Variants in CRB2 observed in about 807,000 individuals in gnomAD.
The protein encoded by CRB2 is crumbs cell polarity complex component 2, also known as protein crumbs homolog 2.
Under a neutral mutation model 110.9 loss-of-function variants are expected in CRB2, and 85 were observed. The ratio of observed to expected loss-of-function variants is 0.77; its 90% confidence interval spans 0.64 to 0.92. The LOEUF is 0.92. Ranked by LOEUF, CRB2 falls within the 40% of genes least tolerant of loss-of-function variation. The pLI is 0.00. For synonymous variants in CRB2, 907 were observed against 831.0 expected (o/e 1.09, Z -1.57); for missense variants, 1,843 against 1,851.3 (o/e 1.00, Z 0.08).
Position 123,373,723 on chromosome 9 carries a change from C to G in CRB2, c.3192C>G (p.Pro1064=), listed in dbSNP as rs1453567864. 1.3e-6 allele frequency: 2 copies of G among 1,564,506 alleles called. No homozygotes were observed. Among genetic ancestry groups the G allele is most frequent in the African/African-American group, 2.8e-5 (2 of 71,016 alleles). Residue 1064 remains proline (P), a synonymous_variant, in exon 10 of 13, where the codon CCC becomes CCG. Transcript: ENST00000373631. ...GCGCGCCCGTGTGTGCGCCCTCGCC[C>G]TGTCTGCACGACGGTGCCTGCCGTG... ...CRGAPVCAPS[P]CLHDGACRDL... is the part of the protein sequence containing the mutation.
chr9:123,373,076 G>A, intron 9 of CRB2, 58 bp from the exon 10 acceptor site: 2 of 1,358,174 alleles, frequency 1.5e-6, no homozygotes, highest in South Asian at 1.5e-5. Context: ...GAAGTGGGGA[G>A]GTGGCATTTC....
chr9:123,367,522 C>T (rs2041954673), intron 5 of CRB2, 51 bp from the exon 6 acceptor site: 1 of 1,477,698 alleles, frequency 6.8e-7, no homozygotes, highest in Non-Finnish European at 9.2e-7. Context: ...CCTCTCAGCC[C>T]CTGCCTGGCT....
chr9:123,365,768 C>CCT, intron 2 of CRB2, 149 bp from the exon 3 acceptor site: 1 of 691,614 alleles, frequency 1.4e-6, no homozygotes, highest in Non-Finnish European at 2.2e-6. Context: ...TGGCATGACC[C>CCT]GTCCCCCACC....
rs1276377271 is a variant in CRB2, at chr9:123,373,320, C to CG, written c.2795dup (p.Val933ArgfsTer60). 6.9e-6 allele frequency: 10 copies of CG among 1,450,270 alleles called. No individual in the cohort carries two copies. Among genetic ancestry groups the CG allele is most frequent in the South Asian group, 1.4e-5 (1 of 73,352 alleles). 89.8% of individuals were successfully genotyped at this position (1,450,270 alleles called of 1,614,324 possible). A position where few individuals can be genotyped will look rare whatever the true frequency, so the allele number is the denominator to read the frequency against. On this transcript the variant is annotated frameshift_variant, in exon 10 of 13. Transcript: ENST00000373631. LOFTEE classifies it high-confidence loss of function. ...CTGGCGGTGCGCAATGGCTCGCTGG[C>CG]GGGGGGCGTGCGCGGAGGCCATGGC...
In CRB2 at chr9:123,371,227, C is replaced by A; in HGVS notation, c.2085C>A (p.Gly695=). The A allele has an allele frequency of 6.2e-7, 1 of 1,613,960 alleles. No homozygotes were observed. Among genetic ancestry groups the A allele is most frequent in the Non-Finnish European group, 8.5e-7 (1 of 1,180,044 alleles). Reference sequence around the variant, plus strand: ...AGTTTGCCAATGACTCCGCAGCTGGCCTAACAGTATTCCTGAGTGAGGGTC... The same window carrying A: ...AGTTTGCCAATGACTCCGCAGCTGGACTAACAGTATTCCTGAGTGAGGGTC... The part of the protein sequence containing the change: ...LLQFANDSAA[G]LTVFLSEGRI... Residue 695 remains glycine, a synonymous_variant, in exon 8 of 13, where the codon GGC becomes GGA. Transcript: ENST00000373631.
intron 2 of CRB2, among the ~76,000 whole-genome samples, chr9:123,363,761 T>C (rs934889240): frequency 3.9e-5 from 6 of 152,122 alleles, no homozygotes; most frequent in Non-Finnish European, 8.8e-5. Context: ...GGATAATATA[T>C]ACGTAAGTGC....
intron 1 of CRB2, among the ~76,000 whole-genome samples, chr9:123,358,439 C>T (rs1003416930): frequency 6.6e-6 from 1 of 152,204 alleles, no homozygotes; most frequent in Non-Finnish European, 1.5e-5. Context: ...CTCCTCCAGC[C>T]AGAAGGGGGT....
At position 123,372,209 on chromosome 9, in the gene CRB2, C is replaced by T. The variant is rs144459644; in HGVS notation, c.2469C>T (p.Leu823=). 138 of 1,614,092 alleles carry T rather than the reference C, an allele frequency of 8.5e-5. No individual in the cohort carries two copies. The highest frequency in any genetic ancestry group is 4.7e-4 in the South Asian group (43 of 91,076). Residue 823 remains leucine, a synonymous_variant, in exon 9 of 13, where the codon CTC becomes CTT. Transcript: ENST00000373631. ...CCTGTTTCAATGGTGGGACTTGCCT[C>T]GTCACCTGGAATGACTTCCACTGTA... is the stretch of plus-strand genomic sequence containing the variant. The part of the protein sequence containing the change: ...PDPCFNGGTC[L]VTWNDFHCTC...
In CRB2 at chr9:123,374,706, G is replaced by A. The variant is rs1330079874; in HGVS notation, c.3506+11G>A. ...TCTTGCTGGCCAGAGGTGGGTCTGGGGGCCTGGGAACTGTGAGGAGGTCCA... is the reference window on the plus strand; with the variant it reads ...TCTTGCTGGCCAGAGGTGGGTCTGGAGGCCTGGGAACTGTGAGGAGGTCCA... On this transcript the variant is annotated intron_variant, in intron 11 of 12. Coordinates refer to ENST00000373631, the MANE Select transcript of CRB2 (RefSeq NM_173689.7). The A allele has an allele frequency of 1.3e-6, 2 of 1,591,128 alleles. No individual in the cohort carries two copies. The highest frequency in any genetic ancestry group is 1.3e-5 in the African/African-American group (1 of 74,648).
Position 123,377,414 on chromosome 9 carries a change from T to G in CRB2, c.*352T>G. ...TGGGCCTGTGTTAGTCTGCAGATGCTAGTGTGAGTGTGTCCTGACATGGCT... is the reference window on the plus strand; with the variant it reads ...TGGGCCTGTGTTAGTCTGCAGATGCGAGTGTGAGTGTGTCCTGACATGGCT... On this transcript the variant is annotated 3_prime_UTR_variant, in exon 13 of 13. Coordinates refer to ENST00000373631, the MANE Select transcript of CRB2 (RefSeq NM_173689.7). 2.2e-5 allele frequency: 5 copies of G among 222,460 alleles called. No individual in the cohort carries two copies. Among genetic ancestry groups the G allele is most frequent in the Non-Finnish European group, 4.4e-5 (5 of 114,114 alleles). 13.8% of individuals were successfully genotyped at this position (222,460 alleles called of 1,614,324 possible). A position where few individuals can be genotyped will look rare whatever the true frequency, so the allele number is the denominator to read the frequency against.
At chr9:123,356,076 C>A (rs1281966667), upstream of CRB2, 2 of 439,058 alleles carry the variant, frequency 4.6e-6, no homozygotes, top group African/African-American at 4.3e-5. Context: ...TGTCTAGGGA[C>A]GTCCACGAGG....
chr9:123,365,751 C>A (rs1043466453), intron 2 of CRB2, among the ~76,000 whole-genome samples, 166 bp from the exon 3 acceptor site: 3 of 152,184 alleles, frequency 2.0e-5, no homozygotes, highest in Non-Finnish European at 2.9e-5. Flanking sequence ...TCTCTCCCTG[C>A]GGTTGCTGGC....
downstream of CRB2, chr9:123,380,258 A>C (rs891089856): frequency 5.9e-5 from 9 of 152,476 alleles, no homozygotes; most frequent in African/African-American, 1.9e-4. Flanking sequence ...ATGGAAATGA[A>C]TCCATTTCAA....
At chr9:123,359,408 C>CT (rs1564367795) in intron 1 of CRB2, among the ~76,000 whole-genome samples, 1 of 80,208 alleles carries the variant, frequency 1.2e-5, no homozygotes, top group African/African-American at 6.7e-5. Context: ...GTAAATGCTT[C>CT]TTTTTTTGTT....
In CRB2 at chr9:123,373,211, G is replaced by A. The variant is rs144714250; in HGVS notation, c.2680G>A (p.Gly894Ser). Reference sequence around the variant, plus strand: ...CAACGCGTCGTCAGGGCGCTTGCTCGGCGGCCTGTCGCTGGCCTTTCGCAC... The same window carrying A: ...CAACGCGTCGTCAGGGCGCTTGCTCAGCGGCCTGTCGCTGGCCTTTCGCAC... ...GHNASSGRLL[G>S]GLSLAFRTRD... Residue 894 changes from glycine to serine, a missense_variant, in exon 10 of 13, where the codon GGC (glycine) becomes AGC (serine). Coordinates refer to ENST00000373631, the MANE Select transcript of CRB2 (RefSeq NM_173689.7). 0.027 allele frequency: 40,141 copies of A among 1,511,822 alleles called. 657 individuals are homozygous for A. Among genetic ancestry groups the A allele is most frequent in the Non-Finnish European group, 0.031 (34,797 of 1,136,844 alleles). 93.7% of individuals were successfully genotyped at this position (1,511,822 alleles called of 1,614,324 possible).
intron 3 of CRB2, 32 bp downstream of exon 3, chr9:123,366,144 G>T: frequency 1.4e-6 from 2 of 1,384,048 alleles, no homozygotes; most frequent in East Asian, 3.0e-5. Flanking sequence ...CGGCAGGGGC[G>T]CCGGGTGCCC....
At chr9:123,376,368 C>G (rs1413937628) in intron 12 of CRB2, among the ~76,000 whole-genome samples, 1 of 152,170 alleles carries the variant, frequency 6.6e-6, no homozygotes. Context: ...TTGCTGGGCT[C>G]CCCGAAGCCT....
chr9:123,368,830 C>T (rs1011391661), intron 6 of CRB2: 2 of 1,244,690 alleles, frequency 1.6e-6, no homozygotes, highest in Admixed American at 5.2e-5. Flanking sequence ...GGAGCTCTGC[C>T]TCCTCCCCAC....
At chr9:123,365,857 C>A (rs1027084232) in intron 2 of CRB2, 60 bp from the exon 3 acceptor site, 1 of 1,442,716 alleles carries the variant, frequency 6.9e-7, no homozygotes, top group Non-Finnish European at 9.2e-7. Context: ...CCTGGCGCGA[C>A]CTCTTCCGCC....
Sources: allele counts gnomAD v4.1 joint callset (sites outside exome capture counted in the v4.1 genomes callset), GRCh38; gene constraint gnomAD v4.1.1; transcripts MANE v1.5; gene names NCBI Gene and HGNC (gene_info 2026-07-23, HGNC 2026-07-21).